Variants in DNA2 observed in about 807,000 individuals in gnomAD.
The protein encoded by DNA2 is DNA replication ATP-dependent helicase/nuclease DNA2.
Under a neutral mutation model 119.1 loss-of-function variants are expected in DNA2, and 101 were observed. That is an observed-to-expected ratio of 0.85 (90% CI 0.72 to 1.00). The LOEUF is 1.00. DNA2 is among the 50% of genes least tolerant of loss of function. DNA2 has a pLI of 0.00. For synonymous variants in DNA2, 366 were observed against 424.4 expected, an observed-to-expected ratio of 0.86 and a Z score of 1.69; for missense variants, 1,121 against 1,255.5, an observed-to-expected ratio of 0.89 and a Z score of 1.62.
In DNA2 at chr10:68,459,144, T is replaced by C. The variant is rs760412883; in HGVS notation, c.679A>G (p.Lys227Glu). The C allele has an allele frequency of 5.6e-6, 9 of 1,599,256 alleles. No homozygotes were observed. Among genetic ancestry groups the C allele is most frequent in the Non-Finnish European group, 7.7e-6 (9 of 1,172,244 alleles). ...FCKWAGDFMHKNTSTDFPQMQ... is the reference protein window; with the variant it reads ...FCKWAGDFMHENTSTDFPQMQ... ...TGAGGGAAGTCAGTCGAAGTGTTTTTATGCATGAAATCTCCTGCCCATTTA... is the reference window on the plus strand; with the variant it reads ...TGAGGGAAGTCAGTCGAAGTGTTTTCATGCATGAAATCTCCTGCCCATTTA... Residue 227 changes from lysine to glutamate, a missense_variant, in exon 5 of 21, where the codon AAA (lysine) becomes GAA (glutamate). Coordinates refer to ENST00000358410, the MANE Select transcript of DNA2 (RefSeq NM_001080449.3).
upstream of DNA2, chr10:68,472,059 C>A: frequency 1.3e-6 from 2 of 1,595,804 alleles, no homozygotes; most frequent in Non-Finnish European, 1.7e-6. Flanking sequence ...CTCACCTGAG[C>A]AGCAGGGCTC....
At chr10:68,419,541 A>G (rs577998790) in intron 18 of DNA2, 1 of 521,748 alleles carries the variant, frequency 1.9e-6, no homozygotes, top group Non-Finnish European at 3.4e-6. Flanking sequence ...AAAATTTCCA[A>G]TTCCTAATCA....
chr10:68,444,955 A>C lies in DNA2; in HGVS notation c.1186T>G (p.Cys396Gly). 1 of 1,613,668 alleles carries C rather than the reference A, an allele frequency of 6.2e-7. No homozygotes were observed. Among genetic ancestry groups the C allele is most frequent in the Non-Finnish European group, 8.5e-7 (1 of 1,179,728 alleles). The change falls in exon 8 of 21, where the codon TGT becomes GGT. Residue 396 changes from cysteine (C) to glycine (G), a missense_variant. Cys to Gly is a radical substitution (Grantham distance 159, BLOSUM62 -3). Coordinates refer to ENST00000358410, the MANE Select transcript of DNA2 (RefSeq NM_001080449.3). The part of the protein sequence containing the change: ...IIEEEKTCKY[C>G]SQIGNCALYS... ...AGAGCACAATTGCCAATTTGTGAACAATATTTACAAGTTTTCTCTTCCTCA... is the reference window on the plus strand; with the variant it reads ...AGAGCACAATTGCCAATTTGTGAACCATATTTACAAGTTTTCTCTTCCTCA...
intron 17 of DNA2, 45 bp downstream of exon 17, chr10:68,422,180 A>T: frequency 7.1e-7 from 1 of 1,411,114 alleles, no homozygotes; most frequent in Non-Finnish European, 9.5e-7. Flanking sequence ...AAATTTAAAT[A>T]ATAGGACAAA....
intron 9 of DNA2, among the ~76,000 whole-genome samples, chr10:68,440,390 C>T (rs896877675): frequency 2.6e-5 from 4 of 152,002 alleles, no homozygotes; most frequent in South Asian, 2.1e-4. Context: ...CTCTGCCTCC[C>T]GGGTTCATGG....
chr10:68,457,454 T>C lies in DNA2; in HGVS notation c.719+1650A>G, dbSNP rs146534910. Among the ~76,000 whole-genome samples the C allele has an allele frequency of 6.3e-3, 956 of 152,260 alleles. 11 individuals carry two copies. Among genetic ancestry groups the C allele is most frequent in the African/African-American group, 0.022 (910 of 41,566 alleles). ...AGGAAGGCCTTCCATGAACATTCTA[T>C]GGAATATCCCTGCCACCACTACCTA... is the stretch of plus-strand genomic sequence containing the variant. On this transcript the variant is annotated intron_variant, in intron 5 of 20. Coordinates refer to ENST00000358410, the MANE Select transcript of DNA2 (RefSeq NM_001080449.3).
At chr10:68,437,366 T>C in intron 9 of DNA2, 125 bp from the exon 10 acceptor site, 1 of 830,596 alleles carries the variant, frequency 1.2e-6, no homozygotes, top group South Asian at 1.9e-5. Context: ...CCGGGTGTGG[T>C]GGCTCACGCC....
At chr10:68,439,170 G>A (rs954837768) in intron 9 of DNA2, among the ~76,000 whole-genome samples, 9 of 149,988 alleles carry the variant, frequency 6.0e-5, no homozygotes, top group East Asian at 2.0e-4. Context: ...TGAGGTGGGC[G>A]GATCACGTGA....
intron 4 of DNA2, among the ~76,000 whole-genome samples, chr10:68,460,030 T>TACACACACACACAAACACAC (rs1554909245): frequency 2.5e-4 from 36 of 145,700 alleles, no homozygotes; most frequent in African/African-American, 6.6e-4. Flanking sequence ...CCATCACAAA[T>TACACACACACACAAACACAC]ACACACACAC....
chr10:68,447,827 C>CA (rs1205454407), intron 6 of DNA2, among the ~76,000 whole-genome samples: 1 of 150,338 alleles, frequency 6.7e-6, no homozygotes, highest in Non-Finnish European at 1.5e-5. Context: ...ACTAAAAATA[C>CA]AAAAAAATTA....
At position 68,446,338 on chromosome 10, in the gene DNA2, C is replaced by T. The variant is rs1408893583; in HGVS notation, c.1015G>A (p.Gly339Ser). ...TTGGCAGGCACAGGGTACATCTGACCAGTCTTGAGGTAGAGAAGCAAGCCA... is the reference window on the plus strand; with the variant it reads ...TTGGCAGGCACAGGGTACATCTGACTAGTCTTGAGGTAGAGAAGCAAGCCA... ...EAGLLLYLKT[G>S]QMYPVPANHL... Residue 339 changes from glycine (G) to serine (S), a missense_variant, in exon 7 of 21, where the codon GGT (glycine) becomes AGT (serine). Coordinates refer to ENST00000358410, the MANE Select transcript of DNA2 (RefSeq NM_001080449.3). The T allele has an allele frequency of 1.3e-6, 2 of 1,597,396 alleles. No homozygotes were observed. The highest frequency in any genetic ancestry group is 2.7e-5 in the African/African-American group (2 of 74,584).
chr10:68,463,229 G>A (rs188853305), intron 4 of DNA2, among the ~76,000 whole-genome samples: 133 of 152,170 alleles, frequency 8.7e-4, no homozygotes, highest in African/African-American at 3.2e-3. Context: ...TGGATCACGA[G>A]GTCAGGAGAT....
intron 5 of DNA2, among the ~76,000 whole-genome samples, chr10:68,453,373 T>C (rs897979381): frequency 5.3e-5 from 8 of 152,212 alleles, no homozygotes; most frequent in African/African-American, 1.9e-4. Context: ...GAATTTTAGA[T>C]ATCCTTTTAA....
intron 19 of DNA2, among the ~76,000 whole-genome samples, chr10:68,418,777 A>G (rs566241249): frequency 6.6e-6 from 1 of 150,586 alleles, no homozygotes; most frequent in Admixed American, 6.6e-5. Context: ...GGTTCAAGCA[A>G]TTCTCCTACC....
intron 10 of DNA2, 174 bp downstream of exon 10, chr10:68,436,837 C>T: frequency 5.2e-6 from 3 of 572,242 alleles, no homozygotes; most frequent in South Asian, 4.7e-5. Context: ...GGGCTTCTTC[C>T]TTGGGAGTTT....
At position 68,465,650 on chromosome 10, in the gene DNA2, T is replaced by C. The variant is rs1376734217; in HGVS notation, c.587+17A>G. 1 of 1,553,602 alleles carries C rather than the reference T, an allele frequency of 6.4e-7. No individual in the cohort carries two copies. Among genetic ancestry groups the C allele is most frequent in the Non-Finnish European group, 8.7e-7 (1 of 1,146,180 alleles). On this transcript the variant is annotated intron_variant, in intron 4 of 20. Coordinates refer to ENST00000358410, the MANE Select transcript of DNA2 (RefSeq NM_001080449.3). ...TATAATAAAATTATACCTGCAGTTCTTCTTATAACTACTTACATTTCCTTC... is the reference window on the plus strand; with the variant it reads ...TATAATAAAATTATACCTGCAGTTCCTCTTATAACTACTTACATTTCCTTC...
At chr10:68,447,811 G>A (rs1489356828) in intron 6 of DNA2, among the ~76,000 whole-genome samples, 3 of 151,448 alleles carry the variant, frequency 2.0e-5, no homozygotes, top group Non-Finnish European at 2.9e-5. Context: ...GTGAAACCCC[G>A]TCTCTACTAA....
chr10:68,418,781 T>A (rs1376924891), intron 19 of DNA2, among the ~76,000 whole-genome samples: 1 of 150,596 alleles, frequency 6.6e-6, no homozygotes, highest in Non-Finnish European at 1.5e-5. Flanking sequence ...CAAGCAATTC[T>A]CCTACCTCAG....
chr10:68,470,525 G>A, intron 1 of DNA2: 2 of 427,096 alleles, frequency 4.7e-6, no homozygotes, highest in Non-Finnish European at 9.1e-6. Flanking sequence ...GAGGTGGAAG[G>A]ACTGCTTGAG....
Sources: allele counts gnomAD v4.1 joint callset (sites outside exome capture counted in the v4.1 genomes callset), GRCh38; gene constraint gnomAD v4.1.1; transcripts MANE v1.5; gene names NCBI Gene and HGNC (gene_info 2026-07-23, HGNC 2026-07-21).